Variants in GABBR2 observed in about 807,000 individuals in gnomAD.
The protein encoded by GABBR2 is G-protein coupled receptor 51.
Under a neutral mutation model 105.6 loss-of-function variants are expected in GABBR2, and 23 were observed. That is an observed-to-expected ratio of 0.22 (90% CI 0.16 to 0.31). The LOEUF (loss-of-function observed/expected upper bound fraction) is 0.31, where lower values mean the gene tolerates loss of function less well. Ranked by LOEUF, GABBR2 falls within the 10% of genes least tolerant of loss-of-function variation. GABBR2 has a pLI of 1.00. For synonymous variants in GABBR2, 478 were observed against 499.7 expected (o/e 0.96, Z 0.58); for missense variants, 734 against 1,245.5 (o/e 0.59, Z 6.18).
Position 98,481,015 on chromosome 9 carries a change from C to T in GABBR2, c.733-18G>A, listed in dbSNP as rs757369754. The T allele has an allele frequency of 1.3e-6, 2 of 1,546,322 alleles. No individual in the cohort carries two copies. Among genetic ancestry groups the T allele is most frequent in the South Asian group, 2.2e-5 (2 of 89,696 alleles). ...TCATTCCCCTGTGGATGGAAGGACA[C>T]ATCATGAAGGTGAGTAGATGTTCAG... On this transcript the variant is annotated intron_variant, in intron 4 of 18. Transcript: ENST00000259455.
chr9:98,486,740 C>G (rs872092), intron 4 of GABBR2, among the ~76,000 whole-genome samples: 29,516 of 152,188 alleles, frequency 0.19, 3,098 homozygotes, highest in Admixed American at 0.24. Context: ...CCTGGGCCAG[C>G]GGGCACTGCC....
chr9:98,701,285 C>G (rs76194778), intron 1 of GABBR2, among the ~76,000 whole-genome samples: 3,500 of 152,262 alleles, frequency 0.023, 58 homozygotes, highest in Non-Finnish European at 0.031. Flanking sequence ...CACCCACCAC[C>G]CCAACTCAGT....
chr9:98,346,789 GT>G (rs1178825079), intron 13 of GABBR2, among the ~76,000 whole-genome samples: 10 of 150,924 alleles, frequency 6.6e-5, no homozygotes, highest in South Asian at 4.2e-4. Flanking sequence ...CATGAGCTCA[GT>G]TTTTTTTTCT....
intron 4 of GABBR2, among the ~76,000 whole-genome samples, chr9:98,485,171 G>T (rs1827017286): frequency 6.6e-6 from 1 of 152,166 alleles, no homozygotes; most frequent in South Asian, 2.1e-4. Context: ...CTGAGTTGGG[G>T]CAAATGAGAT....
At chr9:98,343,807 G>T (rs933942794) in intron 13 of GABBR2, among the ~76,000 whole-genome samples, 1 of 151,868 alleles carries the variant, frequency 6.6e-6, no homozygotes, top group Non-Finnish European at 1.5e-5. Context: ...GCAGTGAGCC[G>T]AGATTGCCCC....
intron 8 of GABBR2, among the ~76,000 whole-genome samples, chr9:98,397,038 T>C (rs767266799): frequency 6.6e-6 from 1 of 152,176 alleles, no homozygotes; most frequent in African/African-American, 2.4e-5. Context: ...AAGTACCCAC[T>C]CAGAGCCAAG....
At chr9:98,541,369 C>CTTT in intron 3 of GABBR2, among the ~76,000 whole-genome samples, 1 of 129,924 alleles carries the variant, frequency 7.7e-6, no homozygotes, top group Non-Finnish European at 1.6e-5. Flanking sequence ...CTTTTTTTTC[C>CTTT]CCCACAACAA....
chr9:98,402,555 T>C (rs1048763458), intron 8 of GABBR2, among the ~76,000 whole-genome samples: 1 of 152,090 alleles, frequency 6.6e-6, no homozygotes, highest in Non-Finnish European at 1.5e-5. Flanking sequence ...TGCAGTTTAT[T>C]TGGAAGGTGA....
At chr9:98,602,502 G>A (rs1038954506) in intron 1 of GABBR2, among the ~76,000 whole-genome samples, 14 of 150,976 alleles carry the variant, frequency 9.3e-5, no homozygotes, top group African/African-American at 3.4e-4. Context: ...TATTGCTTAG[G>A]CTGGTCTTGA....
intron 1 of GABBR2, among the ~76,000 whole-genome samples, chr9:98,706,472 T>C (rs1830896612): frequency 6.6e-6 from 1 of 152,228 alleles, no homozygotes; most frequent in Non-Finnish European, 1.5e-5. Context: ...CACTGTTTTC[T>C]AAATATTCCC....
chr9:98,301,660 A>G (rs1222538914), intron 16 of GABBR2, among the ~76,000 whole-genome samples: 1 of 152,364 alleles, frequency 6.6e-6, no homozygotes, highest in East Asian at 1.9e-4. Context: ...TCCGGGAAAA[A>G]TAACACAACA....
In GABBR2 at chr9:98,693,042, G is replaced by A. The variant is rs371105082; in HGVS notation, c.321+15375C>T. ...GCCCAGTTCTCCCTCGACCCCCGGC[G>A]TGGCCTATGTTGATAGATCAGCGAG... is the stretch of plus-strand genomic sequence containing the variant. On this transcript the variant is annotated intron_variant, in intron 1 of 18. Transcript: ENST00000259455. Among the ~76,000 whole-genome samples the A allele has an allele frequency of 3.9e-5, 6 of 152,286 alleles. No homozygotes were observed. In the South Asian group the frequency reaches 8.3e-4, roughly 21 times the overall value.
intron 7 of GABBR2, among the ~76,000 whole-genome samples, chr9:98,407,537 G>A (rs1832512852): frequency 6.6e-6 from 1 of 152,152 alleles, no homozygotes; most frequent in Non-Finnish European, 1.5e-5. Context: ...TATTTCGAGG[G>A]ACAATTGAAA....
chr9:98,429,325 A>G (rs1825758658), intron 7 of GABBR2, among the ~76,000 whole-genome samples: 1 of 151,934 alleles, frequency 6.6e-6, no homozygotes, highest in Non-Finnish European at 1.5e-5. Context: ...TTTTTAGTAG[A>G]GGACCGGGTT....
Position 98,306,464 on chromosome 9 carries a change from T to C in GABBR2, c.2005-119A>G. On this transcript the variant is annotated intron_variant, in intron 14 of 18. Coordinates refer to ENST00000259455, the MANE Select transcript of GABBR2 (RefSeq NM_005458.8). The surrounding 1 kb of genome is among the most constrained non-coding windows in gnomAD (Gnocchi z 5.4). Reference sequence around the variant, plus strand: ...GGAGGTGGGCTGCAGGGAGGGAGGGTCGGGGGCCTTGCTGTCAGCCGGGTC... The same window carrying C: ...GGAGGTGGGCTGCAGGGAGGGAGGGCCGGGGGCCTTGCTGTCAGCCGGGTC... 2 of 439,814 alleles carry C rather than the reference T, an allele frequency of 4.5e-6. No individual in the cohort carries two copies. The highest frequency in any genetic ancestry group is 6.1e-5 in the East Asian group (1 of 16,504). The allele number at this position is 439,814 out of a possible 1,614,324, so 27.2% of individuals were successfully genotyped here.
chr9:98,324,711 A>T (rs1830890615), intron 13 of GABBR2, among the ~76,000 whole-genome samples: 1 of 152,198 alleles, frequency 6.6e-6, no homozygotes, highest in Non-Finnish European at 1.5e-5. Flanking sequence ...CCTGGGTAGC[A>T]GCAGGCCACC....
At chr9:98,334,705 C>G (rs1169107669) in intron 13 of GABBR2, among the ~76,000 whole-genome samples, 1 of 152,214 alleles carries the variant, frequency 6.6e-6, no homozygotes. Context: ...CGTGTTTCTT[C>G]TGGCTGCTGT....
At chr9:98,484,407 C>T (rs1253324107) in intron 4 of GABBR2, among the ~76,000 whole-genome samples, 2 of 152,090 alleles carry the variant, frequency 1.3e-5, no homozygotes, top group African/African-American at 4.8e-5. Flanking sequence ...ATTAGAGGGC[C>T]CTGGAGACAG....
intron 7 of GABBR2, among the ~76,000 whole-genome samples, chr9:98,423,826 C>T (rs1832827076): frequency 6.6e-6 from 1 of 152,176 alleles, no homozygotes; most frequent in South Asian, 2.1e-4. Flanking sequence ...CTACATATGG[C>T]TAGCCAGTTT....
Sources: allele counts gnomAD v4.1 joint callset (sites outside exome capture counted in the v4.1 genomes callset), GRCh38; gene constraint gnomAD v4.1.1; non-coding constraint Gnocchi (gnomAD v3.1); transcripts MANE v1.5; gene names NCBI Gene and HGNC (gene_info 2026-07-23, HGNC 2026-07-21).